UST: variants seen among roughly 807,000 people sequenced by gnomAD.
UST encodes uronyl 2-sulfotransferase.
UST carries 21 observed loss-of-function variants against 45.6 expected under a neutral mutation model. The ratio of observed to expected loss-of-function variants is 0.46; its 90% confidence interval spans 0.33 to 0.66. The LOEUF is 0.66. UST is among the 30% of genes least tolerant of loss of function. The probability of loss-of-function intolerance (pLI) is 0.02; values close to 1 mark genes in which losing one functional copy is unlikely to be tolerated. For synonymous variants in UST, 215 were observed against 200.6 expected (o/e 1.07, Z -0.61); for missense variants, 463 against 512.4 (o/e 0.90, Z 0.93).
At chr6:148,858,700 A>T (rs550299635) in intron 1 of UST, among the ~76,000 whole-genome samples, 3 of 150,600 alleles carry the variant, frequency 2.0e-5, no homozygotes, top group Non-Finnish European at 4.4e-5. Context: ...CCCTGTGTCC[A>T]TGTGTTCTCA....
intron 7 of UST, among the ~76,000 whole-genome samples, chr6:149,070,398 C>G (rs1318731863): frequency 6.6e-6 from 1 of 152,166 alleles, no homozygotes. Flanking sequence ...GAACCCATTT[C>G]AGAAGAGTCT....
intron 7 of UST, among the ~76,000 whole-genome samples, chr6:149,061,762 C>CT (rs1776658668): frequency 6.6e-6 from 1 of 152,228 alleles, no homozygotes; most frequent in Non-Finnish European, 1.5e-5. Context: ...TAAGTTCTTC[C>CT]ACCAGGAAGT....
intron 1 of UST, among the ~76,000 whole-genome samples, chr6:148,841,853 C>G (rs1250060395): frequency 2.0e-5 from 3 of 152,188 alleles, no homozygotes; most frequent in Non-Finnish European, 4.4e-5. Flanking sequence ...ACCCATAATT[C>G]CAGCACTTTG....
chr6:148,923,622 T>C (rs1779756151), intron 2 of UST, among the ~76,000 whole-genome samples: 1 of 152,212 alleles, frequency 6.6e-6, no homozygotes, highest in African/African-American at 2.4e-5. Flanking sequence ...AATAATAGGC[T>C]TTGGCTGGGT....
intron 7 of UST, among the ~76,000 whole-genome samples, chr6:149,046,158 A>G (rs1776392368): frequency 6.6e-6 from 1 of 152,244 alleles, no homozygotes; most frequent in African/African-American, 2.4e-5. Context: ...ATCCCTGTTT[A>G]TGGAGCCTAG....
At chr6:149,066,678 A>G (rs1185578148) in intron 7 of UST, among the ~76,000 whole-genome samples, 1 of 152,140 alleles carries the variant, frequency 6.6e-6, no homozygotes, top group Non-Finnish European at 1.5e-5. Flanking sequence ...ATCTGTTGTT[A>G]TTGGAGGGGT....
At chr6:148,965,255 G>C (rs964161930) in intron 5 of UST, among the ~76,000 whole-genome samples, 2 of 151,880 alleles carry the variant, frequency 1.3e-5, no homozygotes, top group African/African-American at 4.9e-5. Context: ...GCGGAGTTGC[G>C]CGTCTTTCTT....
intron 4 of UST, among the ~76,000 whole-genome samples, chr6:148,958,472 A>G (rs141808028): frequency 1.6e-4 from 25 of 152,334 alleles, no homozygotes; most frequent in African/African-American, 6.0e-4. Context: ...CACCTGGACT[A>G]TCTGGAGAAT....
chr6:148,977,461 CTTG>C (rs1781036748), intron 5 of UST, among the ~76,000 whole-genome samples: 1 of 152,018 alleles, frequency 6.6e-6, no homozygotes, highest in Admixed American at 6.6e-5. Context: ...TTAAAATCAG[CTTG>C]TTCAGGGTCG....
chr6:148,836,105 G>T (rs530607169), intron 1 of UST, among the ~76,000 whole-genome samples: 58 of 152,252 alleles, frequency 3.8e-4, no homozygotes, highest in Non-Finnish European at 2.6e-4. Context: ...GTGTTTTGCG[G>T]AAGAGGAGGA....
intron 2 of UST, among the ~76,000 whole-genome samples, chr6:148,926,219 C>A (rs985538127): frequency 6.6e-6 from 1 of 152,150 alleles, no homozygotes; most frequent in African/African-American, 2.4e-5. Flanking sequence ...ACTACAGGAT[C>A]AAAAGGAATG....
At chr6:149,069,927 G>A (rs150522110) in intron 7 of UST, among the ~76,000 whole-genome samples, 7 of 152,342 alleles carry the variant, frequency 4.6e-5, no homozygotes, top group Middle Eastern at 3.4e-3. Context: ...TACACTTGCT[G>A]TCCATTGTTT....
intron 7 of UST, among the ~76,000 whole-genome samples, chr6:149,026,166 A>AAAAAC (rs762937458): frequency 6.9e-6 from 1 of 143,978 alleles, no homozygotes; most frequent in African/African-American, 2.6e-5. Flanking sequence ...AAAAAAAAAA[A>AAAAAC]CAGGCCTGAT....
At position 148,934,667 on chromosome 6, in the gene UST, G is replaced by C. The variant is rs1477174166; in HGVS notation, c.292-6612G>C. ...CTCCCCAGCCTTAATCCCTCAGAAGGCTTCAAGGACCCACTCAGCCACTTA... is the reference window on the plus strand; with the variant it reads ...CTCCCCAGCCTTAATCCCTCAGAAGCCTTCAAGGACCCACTCAGCCACTTA... On this transcript the variant is annotated intron_variant, in intron 2 of 7. Transcript: ENST00000367463. This position sits in a 1 kb window ranked among gnomAD's most constrained non-coding sequence, Gnocchi z 4.1. 5.3e-5 allele frequency among the ~76,000 whole-genome samples: 8 copies of C among 152,160 alleles called. No homozygotes were observed. The highest frequency in any genetic ancestry group is 3.3e-4 in the Admixed American group (5 of 15,280).
At chr6:149,030,104 A>G (rs1279824931) in intron 7 of UST, among the ~76,000 whole-genome samples, 1 of 152,182 alleles carries the variant, frequency 6.6e-6, no homozygotes, top group Admixed American at 6.5e-5. Context: ...AAGTTGAGGA[A>G]GACAATTTTT....
intron 1 of UST, among the ~76,000 whole-genome samples, chr6:148,822,655 G>T (rs1482851283): frequency 6.6e-6 from 1 of 152,160 alleles, no homozygotes; most frequent in Admixed American, 6.5e-5. Flanking sequence ...ATCTCTGTCG[G>T]GGAATATGAG....
intron 5 of UST, among the ~76,000 whole-genome samples, chr6:149,012,461 A>G (rs1324006342): frequency 1.3e-5 from 2 of 152,334 alleles, no homozygotes; most frequent in Middle Eastern, 3.4e-3. Context: ...TACTGCCTCA[A>G]TGGTGAATGA....
At chr6:148,821,421 T>C (rs72999166) in intron 1 of UST, among the ~76,000 whole-genome samples, 1,597 of 152,330 alleles carry the variant, frequency 0.01, 20 homozygotes, top group Admixed American at 0.021. Flanking sequence ...GAGTTCTCAG[T>C]GCATCATGTT....
At chr6:149,019,937 A>G (rs1178008244) in intron 6 of UST, among the ~76,000 whole-genome samples, 1 of 152,128 alleles carries the variant, frequency 6.6e-6, no homozygotes, top group African/African-American at 2.4e-5. Flanking sequence ...CTATAGTTGA[A>G]ATCTACTGTG....
Sources: gnomAD v4.1 joint callset for allele counts (sites outside exome capture counted in the v4.1 genomes callset) on GRCh38, gnomAD v4.1.1 for gene constraint, Gnocchi (gnomAD v3.1) non-coding constraint, MANE v1.5 for transcripts, NCBI Gene and HGNC (gene_info 2026-07-23, HGNC 2026-07-21) for gene names.